KCND2: variants seen among roughly 807,000 people sequenced by gnomAD.
KCND2 encodes potassium voltage-gated channel subfamily D member 2, also known as A-type voltage-gated potassium channel KCND2.
Under a neutral mutation model 54.4 loss-of-function variants are expected in KCND2, and 16 were observed. That is an observed-to-expected ratio of 0.29 (90% CI 0.20 to 0.45). KCND2 has a LOEUF of 0.45. Ranked by LOEUF, KCND2 falls within the 20% of genes least tolerant of loss-of-function variation. KCND2 has a pLI of 1.00. For synonymous variants in KCND2, 317 were observed against 310.7 expected, an observed-to-expected ratio of 1.02 and a Z score of -0.21; for missense variants, 486 against 824.2, an observed-to-expected ratio of 0.59 and a Z score of 5.02.
At chr7:120,307,866 T>C (rs572099037) in intron 1 of KCND2, among the ~76,000 whole-genome samples, 91 of 152,240 alleles carry the variant, frequency 6.0e-4, no homozygotes, top group Non-Finnish European at 1.1e-3. Context: ...TCTCTACATA[T>C]TTATTGAACA....
At chr7:120,525,620 T>G (rs1164219944) in intron 1 of KCND2, among the ~76,000 whole-genome samples, 1 of 152,210 alleles carries the variant, frequency 6.6e-6, no homozygotes, top group Non-Finnish European at 1.5e-5. Context: ...AGATTTGAAC[T>G]GACTCACAAA....
chr7:120,700,567 T>A lies in KCND2; in HGVS notation c.1116-32336T>A, dbSNP rs551865239. On this transcript the variant is annotated intron_variant, in intron 1 of 5. Coordinates refer to ENST00000331113, the MANE Select transcript of KCND2 (RefSeq NM_012281.3). Reference sequence around the variant, plus strand: ...TTACAACCCATGACATAAATAATCATCAAAACATTATGGCCCCTTTCAACA... The same window carrying A: ...TTACAACCCATGACATAAATAATCAACAAAACATTATGGCCCCTTTCAACA... Among the ~76,000 whole-genome samples, 121 of 152,308 alleles carry A rather than the reference T, an allele frequency of 7.9e-4. 4 individuals carry two copies. In the South Asian group the frequency reaches 0.024, roughly 31 times the overall value.
intron 1 of KCND2, among the ~76,000 whole-genome samples, chr7:120,355,490 A>G (rs1024699538): frequency 2.0e-5 from 3 of 152,024 alleles, no homozygotes; most frequent in African/African-American, 7.2e-5. Flanking sequence ...GGGGGGTGCA[A>G]TGAGCTGGGA....
intron 1 of KCND2, among the ~76,000 whole-genome samples, chr7:120,657,976 A>G (rs1398039023): frequency 3.9e-5 from 6 of 152,246 alleles, no homozygotes; most frequent in Admixed American, 3.3e-4. Context: ...ATTCTTGACC[A>G]ATAAAACTCA....
At chr7:120,613,360 G>A (rs1238111596) in intron 1 of KCND2, among the ~76,000 whole-genome samples, 1 of 152,052 alleles carries the variant, frequency 6.6e-6, no homozygotes, top group Non-Finnish European at 1.5e-5. Flanking sequence ...CAAAACCCCG[G>A]TCTCTACTAA....
chr7:120,509,601 A>C (rs937100302), intron 1 of KCND2, among the ~76,000 whole-genome samples: 1 of 152,092 alleles, frequency 6.6e-6, no homozygotes, highest in Non-Finnish European at 1.5e-5. Flanking sequence ...GCTTTTTAAC[A>C]GTCAAATGCT....
chr7:120,732,326 A>G (rs1193064618), intron 1 of KCND2, among the ~76,000 whole-genome samples: 1 of 152,200 alleles, frequency 6.6e-6, no homozygotes, highest in Non-Finnish European at 1.5e-5. Flanking sequence ...GGAGTCTTTC[A>G]AGGAGAGAAT....
intron 1 of KCND2, among the ~76,000 whole-genome samples, chr7:120,326,781 T>C (rs1312978513): frequency 6.6e-6 from 1 of 152,110 alleles, no homozygotes; most frequent in Non-Finnish European, 1.5e-5. Flanking sequence ...AGCAGCAATA[T>C]GGTCTGCCTT....
chr7:120,345,344 G>C (rs536762977), intron 1 of KCND2, among the ~76,000 whole-genome samples: 3 of 152,086 alleles, frequency 2.0e-5, no homozygotes, highest in Non-Finnish European at 4.4e-5. Flanking sequence ...TAACTAGTAC[G>C]ATTAAGACAT....
At chr7:120,633,990 A>G (rs1584862899) in intron 1 of KCND2, among the ~76,000 whole-genome samples, 1 of 152,246 alleles carries the variant, frequency 6.6e-6, no homozygotes, top group Non-Finnish European at 1.5e-5. Flanking sequence ...AATTTTGTCA[A>G]ACATATAGAA....
intron 1 of KCND2, among the ~76,000 whole-genome samples, chr7:120,663,579 C>T (rs573691119): frequency 3.5e-4 from 54 of 152,274 alleles, no homozygotes; most frequent in African/African-American, 1.0e-3. Context: ...TTTACCTCCA[C>T]CATTCTACTC....
Position 120,386,725 on chromosome 7 carries a change from A to T in KCND2, c.1115+110978A>T, listed in dbSNP as rs542151517. ...TGACAGTTCCACAAATTTCACTGTT[A>T]TATGAAACATTTCATCACTCTTAGC... On this transcript the variant is annotated intron_variant, in intron 1 of 5. Transcript: ENST00000331113. Among the ~76,000 whole-genome samples the T allele has an allele frequency of 3.9e-5, 6 of 152,280 alleles. No individual in the cohort carries two copies. In the South Asian group the frequency reaches 1.2e-3, roughly 32 times the overall value.
intron 1 of KCND2, among the ~76,000 whole-genome samples, chr7:120,450,268 G>A (rs983394801): frequency 4.6e-5 from 7 of 152,080 alleles, no homozygotes; most frequent in Non-Finnish European, 1.0e-4. Flanking sequence ...ATATTAGCTG[G>A]GCATGGTGAC....
intron 1 of KCND2, among the ~76,000 whole-genome samples, chr7:120,500,843 GT>G (rs145623878): frequency 0.028 from 4,170 of 150,088 alleles, 88 homozygotes; most frequent in Non-Finnish European, 0.046. Flanking sequence ...TAAATGTATG[GT>G]TTAAATATTA....
intron 1 of KCND2, among the ~76,000 whole-genome samples, chr7:120,486,668 T>C (rs141769383): frequency 3.2e-4 from 48 of 151,870 alleles, no homozygotes; most frequent in African/African-American, 1.1e-3. Context: ...TTTTTCTCTG[T>C]CTGGTTGACT....
intron 1 of KCND2, among the ~76,000 whole-genome samples, chr7:120,516,566 A>G (rs999929705): frequency 6.6e-6 from 1 of 152,140 alleles, no homozygotes; most frequent in Non-Finnish European, 1.5e-5. Flanking sequence ...GGGGTTCACA[A>G]TGAAGATCTT....
At chr7:120,290,977 C>T (rs1325508921) in intron 1 of KCND2, among the ~76,000 whole-genome samples, 2 of 151,894 alleles carry the variant, frequency 1.3e-5, no homozygotes, top group Non-Finnish European at 2.9e-5. Context: ...TTATTTGGCA[C>T]TCATATCTTT....
intron 1 of KCND2, among the ~76,000 whole-genome samples, chr7:120,464,404 A>T (rs1334532959): frequency 1.3e-5 from 2 of 152,138 alleles, no homozygotes; most frequent in African/African-American, 4.8e-5. Context: ...ACATATGTAG[A>T]AGTCGTAATA....
chr7:120,420,246 C>G (rs1801593014), intron 1 of KCND2, among the ~76,000 whole-genome samples: 1 of 152,128 alleles, frequency 6.6e-6, no homozygotes, highest in Admixed American at 6.5e-5. Flanking sequence ...AGCATACTTT[C>G]ATAAGCAGAC....
Sources: gnomAD v4.1 joint callset for allele counts (sites outside exome capture counted in the v4.1 genomes callset) on GRCh38, gnomAD v4.1.1 for gene constraint, MANE v1.5 for transcripts, NCBI Gene and HGNC (gene_info 2026-07-23, HGNC 2026-07-21) for gene names.